Variants in BSCL2 observed in about 807,000 individuals in gnomAD.
The protein encoded by BSCL2 is BSCL2 lipid droplet biogenesis associated, seipin.
A neutral mutation model predicts 57.4 loss-of-function variants in BSCL2; 41 were observed. The observed-to-expected ratio is 0.71, with a 90% CI of 0.56 to 0.93. BSCL2 has a LOEUF of 0.93. Ranked by LOEUF, BSCL2 falls within the 40% of genes least tolerant of loss-of-function variation. The pLI is 0.00. For synonymous variants in BSCL2, 237 were observed against 227.3 expected (o/e 1.04, Z -0.38); for missense variants, 539 against 586.7 (o/e 0.92, Z 0.84).
chr11:62,707,611 G>A (rs1359082317), upstream of BSCL2: 1 of 524,558 alleles, frequency 1.9e-6, no homozygotes, highest in Non-Finnish European at 3.4e-6. Flanking sequence ...GTGTGCGCAG[G>A]GATGCAGGCA....
At chr11:62,691,011 C>T in intron 8 of BSCL2, 64 bp downstream of exon 8, 2 of 1,594,134 alleles carry the variant, frequency 1.3e-6, no homozygotes, top group Non-Finnish European at 1.7e-6. Context: ...GAAGCAGGGA[C>T]TCCTTCTGGC....
At chr11:62,708,574 C>T, upstream of BSCL2, 2 of 1,504,402 alleles carry the variant, frequency 1.3e-6, no homozygotes, top group Non-Finnish European at 1.8e-6. Flanking sequence ...GAAGACAAGT[C>T]GTAAGGAGCC....
At position 62,692,360 on chromosome 11, in the gene BSCL2, C is replaced by G. The variant is rs770234112; in HGVS notation, c.863+16G>C. 1 of 1,613,562 alleles carries G rather than the reference C, an allele frequency of 6.2e-7. No individual in the cohort carries two copies. The highest frequency in any genetic ancestry group is 8.5e-7 in the Non-Finnish European group (1 of 1,179,648). The stretch of plus-strand genomic sequence containing the variant: ...CGTGAAGAGTTGCCCAAGGTTCACT[C>G]CAGTTGGCCCCTCACCTGAGCCCAG... On this transcript the variant is annotated intron_variant, in intron 6 of 10. Coordinates refer to ENST00000360796, the MANE Select transcript of BSCL2 (RefSeq NM_001122955.4).
chr11:62,696,187 CA>C (rs1039112090), intron 3 of BSCL2, among the ~76,000 whole-genome samples: 3 of 151,956 alleles, frequency 2.0e-5, no homozygotes, highest in African/African-American at 7.2e-5. Context: ...AACAAACAAA[CA>C]AAAAACTATC....
chr11:62,691,270 C>G lies in BSCL2; in HGVS notation c.1005+10G>C. On this transcript the variant is annotated intron_variant, in intron 7 of 10. Transcript: ENST00000360796. Reference sequence around the variant, plus strand: ...CAAAGGGACAAAAGGGGGTCCTTGCCCCTTTCGACCTGCAAAGAGAAGCGG... The same window carrying G: ...CAAAGGGACAAAAGGGGGTCCTTGCGCCTTTCGACCTGCAAAGAGAAGCGG... 1 of 1,614,176 alleles carries G rather than the reference C, an allele frequency of 6.2e-7. No individual in the cohort carries two copies. Among genetic ancestry groups the G allele is most frequent in the South Asian group, 1.1e-5 (1 of 91,080 alleles).
chr11:62,692,121 C>T (rs1409732560), intron 6 of BSCL2, among the ~76,000 whole-genome samples: 2 of 150,406 alleles, frequency 1.3e-5, no homozygotes, highest in African/African-American at 4.9e-5. Flanking sequence ...GGGTGGATGG[C>T]AGGGCGGAGG....
chr11:62,708,416 T>C (rs1474508530), upstream of BSCL2: 3 of 1,539,060 alleles, frequency 1.9e-6, no homozygotes, highest in Non-Finnish European at 2.7e-6. Flanking sequence ...CCTGGCTGGC[T>C]CCCATTAGTT....
chr11:62,698,595 C>T (rs1224832421), intron 3 of BSCL2, among the ~76,000 whole-genome samples: 3 of 152,238 alleles, frequency 2.0e-5, no homozygotes, highest in Non-Finnish European at 4.4e-5. Flanking sequence ...GCAGCGACCA[C>T]ATCTACTTAT....
chr11:62,691,576 G>A (rs973506778), intron 6 of BSCL2, among the ~76,000 whole-genome samples, 155 bp from the exon 7 acceptor site: 2 of 152,128 alleles, frequency 1.3e-5, no homozygotes, highest in African/African-American at 2.4e-5. Flanking sequence ...TCCAGAACCT[G>A]CTATACCAGG....
At chr11:62,700,943 ACT>A (rs1381948564) in intron 3 of BSCL2, among the ~76,000 whole-genome samples, 2 of 81,666 alleles carry the variant, frequency 2.4e-5, no homozygotes, top group Non-Finnish European at 2.4e-5. Context: ...ACAGAGCAAG[ACT>A]CTGTCTCAAA....
chr11:62,708,330 G>A, upstream of BSCL2: 1 of 1,613,712 alleles, frequency 6.2e-7, no homozygotes. Context: ...AGCACTATGA[G>A]TATTGGGCAA....
intron 3 of BSCL2, among the ~76,000 whole-genome samples, chr11:62,695,648 T>C (rs971877118): frequency 2.8e-5 from 4 of 142,908 alleles, no homozygotes; most frequent in Admixed American, 7.6e-5. Context: ...GAGGCGGAGA[T>C]TGCAGTGAGC....
upstream of BSCL2, chr11:62,708,618 G>C: frequency 6.3e-7 from 1 of 1,598,244 alleles, no homozygotes. Flanking sequence ...ATTTGGGGAG[G>C]GAGGCTGCAG....
At chr11:62,703,347 GTTTTT>G (rs541712297) in intron 2 of BSCL2, among the ~76,000 whole-genome samples, 36 of 68,800 alleles carry the variant, frequency 5.2e-4, no homozygotes, top group Admixed American at 6.3e-4. Flanking sequence ...ATGCATATAC[GTTTTT>G]TTTTTTTTTT....
chr11:62,692,704 G>A lies in BSCL2; in HGVS notation c.724C>T (p.Leu242=), dbSNP rs1176342816. 1.2e-6 allele frequency: 2 copies of A among 1,614,164 alleles called. No individual in the cohort carries two copies. Among genetic ancestry groups the A allele is most frequent in the Non-Finnish European group, 1.7e-6 (2 of 1,180,048 alleles). The change falls in exon 5 of 11, where the codon CTG becomes TTG. Residue 242 remains leucine (L), a synonymous_variant. Transcript: ENST00000360796. ...LLFGFAEQKQ[L]LEVELYADYR... is the part of the protein sequence containing the mutation. The stretch of plus-strand genomic sequence containing the variant: ...TCTGCGTAGAGTTCCACCTCCAGCA[G>A]CTGCTTCTGCTCTGCAAAGCCAAAT...
intron 2 of BSCL2, among the ~76,000 whole-genome samples, chr11:62,705,061 A>C (rs1945778911): frequency 6.6e-6 from 1 of 151,290 alleles, no homozygotes; most frequent in South Asian, 2.1e-4. Context: ...TAATGATAGA[A>C]GTGGATATTT....
At chr11:62,692,879 G>A in intron 4 of BSCL2, 82 bp from the exon 5 acceptor site, 1 of 1,585,672 alleles carries the variant, frequency 6.3e-7, no homozygotes, top group Admixed American at 1.7e-5. Context: ...CCACCCCTGA[G>A]TAGTCTATGA....
At chr11:62,703,962 CA>C (rs1367952226) in intron 2 of BSCL2, among the ~76,000 whole-genome samples, 1 of 142,496 alleles carries the variant, frequency 7.0e-6, no homozygotes. Context: ...ACTAAAAATA[CA>C]AAAAAAAATT....
At chr11:62,706,271 C>T in intron 1 of BSCL2, 1 of 1,105,364 alleles carries the variant, frequency 9.0e-7, no homozygotes, top group Non-Finnish European at 1.1e-6. Context: ...GCCTCGCGCG[C>T]TGCCAGGGCA....
Sources: allele counts gnomAD v4.1 joint callset (sites outside exome capture counted in the v4.1 genomes callset), GRCh38; gene constraint gnomAD v4.1.1; transcripts MANE v1.5; gene names NCBI Gene and HGNC (gene_info 2026-07-23, HGNC 2026-07-21).